Variants in TMTC4 observed in about 807,000 individuals in gnomAD.
TMTC4 encodes transmembrane O-mannosyltransferase targeting cadherins 4.
In TMTC4, 65 loss-of-function variants were observed where a neutral mutation model predicts 86.0. The observed-to-expected ratio is 0.76, with a 90% CI of 0.62 to 0.93. The LOEUF is 0.93. Ranked by LOEUF, TMTC4 falls within the 40% of genes least tolerant of loss-of-function variation. TMTC4 has a pLI of 0.00. For synonymous variants in TMTC4, 379 were observed against 382.5 expected (o/e 0.99, Z 0.11); for missense variants, 866 against 948.1 (o/e 0.91, Z 1.14).
At chr13:100,665,860 G>T in intron 3 of TMTC4, 1 of 330,108 alleles carries the variant, frequency 3.0e-6, no homozygotes, top group South Asian at 2.5e-5. Flanking sequence ...ATCGGCTTCA[G>T]AAGCCAGGAG....
intron 6 of TMTC4, among the ~76,000 whole-genome samples, chr13:100,655,303 G>A (rs949672145): frequency 2.6e-5 from 4 of 152,100 alleles, no homozygotes; most frequent in Admixed American, 1.3e-4. Context: ...GATTACAGGC[G>A]TAAGCCACCG....
In TMTC4 at chr13:100,637,614, C is replaced by A. The variant is rs1411364667; in HGVS notation, c.923G>T (p.Arg308Met). The A allele has an allele frequency of 6.2e-7, 1 of 1,614,200 alleles. No individual in the cohort carries two copies. The highest frequency in any genetic ancestry group is 2.2e-5 in the East Asian group (1 of 44,872). The change falls in exon 9 of 19, where the codon AGG becomes ATG. Residue 308 changes from arginine (R) to methionine (M), a missense_variant. Physicochemically the swap from Arg to Met is moderately conservative, Grantham distance 91. Coordinates refer to ENST00000342624, the MANE Select transcript of TMTC4 (RefSeq NM_032813.5). ...GGAGMLYVRW[R>M]IMGTGPPAFT... ...GGCCGGCGGGCCCGTGCCCATGATC[C>A]TCCAGCGCACGTAGAGCATCCCAGC...
chr13:100,642,624 TC>T (rs1883176115), intron 6 of TMTC4, among the ~76,000 whole-genome samples: 1 of 152,098 alleles, frequency 6.6e-6, no homozygotes, highest in Non-Finnish European at 1.5e-5. Flanking sequence ...AACCTACCAG[TC>T]ACCTGCTAGA....
intron 6 of TMTC4, among the ~76,000 whole-genome samples, chr13:100,644,090 G>A (rs1270826717): frequency 6.6e-6 from 1 of 151,492 alleles, no homozygotes; most frequent in African/African-American, 2.4e-5. Flanking sequence ...CTGGGGGTGG[G>A]AGGCGCTCTT....
chr13:100,632,045 ACACACACACTCTCTCT>A (rs1170577022), intron 12 of TMTC4, among the ~76,000 whole-genome samples: 11 of 65,098 alleles, frequency 1.7e-4, no homozygotes, highest in Non-Finnish European at 2.6e-4. Flanking sequence ...ACACACACAC[ACACACACACTCTCTCT>A]CTCTCTCTCT....
At chr13:100,608,277 C>T (rs980034008) in intron 17 of TMTC4, among the ~76,000 whole-genome samples, 1 of 152,148 alleles carries the variant, frequency 6.6e-6, no homozygotes, top group African/African-American at 2.4e-5. Context: ...CAGGGAAGGG[C>T]TCAGATCTGA....
intron 6 of TMTC4, among the ~76,000 whole-genome samples, chr13:100,645,061 C>T (rs1883542066): frequency 6.6e-6 from 1 of 152,216 alleles, no homozygotes; most frequent in African/African-American, 2.4e-5. Context: ...ATCCACCCGC[C>T]TCGGCCTCCC....
At position 100,668,775 on chromosome 13, in the gene TMTC4, G is replaced by A. The variant is rs1886709718; in HGVS notation, c.23C>T (p.Ala8Val). MIPNQHN[A>V]GAGSHQPAVF... ...TGCAGGTTGGTGGCTCCCGGCTCCA[G>A]CATTATGCTGGTTAGGAATCTGCAG... Residue 8 changes from alanine to valine, a missense_variant, in exon 3 of 19, where the codon GCT becomes GTT. Coordinates refer to ENST00000342624, the MANE Select transcript of TMTC4 (RefSeq NM_032813.5). The A allele has an allele frequency of 6.2e-7, 1 of 1,614,154 alleles. No individual in the cohort carries two copies. The highest frequency in any genetic ancestry group is 8.5e-7 in the Non-Finnish European group (1 of 1,180,016).
intron 15 of TMTC4, 121 bp downstream of exon 15, chr13:100,625,414 G>A (rs530895727): frequency 7.5e-7 from 1 of 1,339,088 alleles, no homozygotes; most frequent in South Asian, 1.2e-5. Flanking sequence ...AAATGAGATA[G>A]AAACATGTGA....
intron 5 of TMTC4, among the ~76,000 whole-genome samples, chr13:100,659,631 G>A (rs1440148756): frequency 6.6e-6 from 1 of 151,992 alleles, no homozygotes; most frequent in Non-Finnish European, 1.5e-5. Context: ...GGGCTGTGTG[G>A]CCCTCCCAGG....
At chr13:100,674,486 G>A (rs1227508453) in intron 1 of TMTC4, 3 of 703,522 alleles carry the variant, frequency 4.3e-6, no homozygotes, top group East Asian at 3.1e-4. Flanking sequence ...GGGCCCGAGC[G>A]CGGCGGGCGG....
chr13:100,622,625 C>T lies in TMTC4; in HGVS notation c.1836+2910G>A, dbSNP rs750464443. ...TGTAAGATGTGCCTTTCACCTTCCA[C>T]CTTGATTGTGAGGCCTCCCCAGCCA... is the stretch of plus-strand genomic sequence containing the variant. On this transcript the variant is annotated intron_variant, in intron 15 of 18. Coordinates refer to ENST00000342624, the MANE Select transcript of TMTC4 (RefSeq NM_032813.5). 2.0e-5 allele frequency among the ~76,000 whole-genome samples: 3 copies of T among 152,112 alleles called. No homozygotes were observed. In the East Asian group the frequency reaches 5.8e-4, roughly 29 times the overall value.
intron 17 of TMTC4, among the ~76,000 whole-genome samples, chr13:100,607,179 T>C (rs1371996782): frequency 6.6e-6 from 1 of 152,172 alleles, no homozygotes; most frequent in Non-Finnish European, 1.5e-5. Flanking sequence ...GGGGACGCTG[T>C]TCACTCCATC....
chr13:100,636,724 T>C lies in TMTC4; in HGVS notation c.1010A>G (p.Tyr337Cys), dbSNP rs1388400560. ...ADSMLVRAVNYNYYYSLNAWL... is the reference protein window; with the variant it reads ...ADSMLVRAVNCNYYYSLNAWL... ...GGCATTCAATGAATAGTAGTAATTG[T>C]AGTTTACGGCCTGCCAGTCAAAAGG... The change falls in exon 10 of 19, where the codon TAC (tyrosine) becomes TGC (cysteine). Residue 337 changes from tyrosine (Y) to cysteine (C), a missense_variant. Transcript: ENST00000342624. 6.2e-7 allele frequency: 1 copy of C among 1,613,954 alleles called. No homozygotes were observed. The highest frequency in any genetic ancestry group is 1.3e-5 in the African/African-American group (1 of 74,924).
Position 100,656,414 on chromosome 13 carries a change from A to G in TMTC4, c.607T>C (p.Ser203Pro). The stretch of plus-strand genomic sequence containing the variant: ...AATGCTTTACAGTAGCCAAGGAAAG[A>G]TAACAAGAAGAACAGGGCACACAGG... ...DLLCALFFLL[S>P]FLGYCKAFRE... Residue 203 changes from serine to proline, a missense_variant, in exon 6 of 19, where the codon TCT (serine) becomes CCT (proline). By Grantham distance (74) the Ser-to-Pro change is moderately conservative (BLOSUM62 -1). Transcript: ENST00000342624. 4 of 1,613,584 alleles carry G rather than the reference A, an allele frequency of 2.5e-6. No individual in the cohort carries two copies. The highest frequency in any genetic ancestry group is 3.4e-6 in the Non-Finnish European group (4 of 1,179,830).
At chr13:100,644,228 C>T (rs995221185) in intron 6 of TMTC4, among the ~76,000 whole-genome samples, 15 of 151,510 alleles carry the variant, frequency 9.9e-5, no homozygotes, top group African/African-American at 3.6e-4. Flanking sequence ...CTCAGGCTCC[C>T]GAGTAGCTGG....
intron 3 of TMTC4, among the ~76,000 whole-genome samples, chr13:100,665,565 G>A (rs182463112): frequency 1.3e-5 from 2 of 152,300 alleles, no homozygotes; most frequent in African/African-American, 4.8e-5. Flanking sequence ...CCCCCACCTC[G>A]CGTGACCAGT....
intron 1 of TMTC4, 22 bp from the exon 2 acceptor site, chr13:100,670,591 G>C: frequency 2.0e-6 from 1 of 496,686 alleles, no homozygotes; most frequent in South Asian, 3.3e-5. Context: ...ACACAGGTTA[G>C]CACACAGACC....
chr13:100,674,250 C>CG, intron 1 of TMTC4: 3 of 979,686 alleles, frequency 3.1e-6, no homozygotes, highest in Non-Finnish European at 3.6e-6. Flanking sequence ...CGCGGCGCGG[C>CG]GGGGGAGCCG....
Sources: allele counts gnomAD v4.1 joint callset (sites outside exome capture counted in the v4.1 genomes callset), GRCh38; gene constraint gnomAD v4.1.1; transcripts MANE v1.5; gene names NCBI Gene and HGNC (gene_info 2026-07-23, HGNC 2026-07-21).